SULF1: variants seen among roughly 807,000 people sequenced by gnomAD.
SULF1 encodes the protein extracellular sulfatase Sulf-1.
Under a neutral mutation model 110.5 loss-of-function variants are expected in SULF1, and 46 were observed. The ratio of observed to expected loss-of-function variants is 0.42; its 90% CI spans 0.33 to 0.53. The LOEUF (loss-of-function observed/expected upper bound fraction) is 0.53. Ranked by LOEUF, SULF1 falls within the 20% of genes least tolerant of loss-of-function variation. SULF1 has a pLI of 0.12. For synonymous variants in SULF1, 371 were observed against 387.1 expected, an observed-to-expected ratio of 0.96 and a Z score of 0.49; for missense variants, 941 against 1,094.2, an observed-to-expected ratio of 0.86 and a Z score of 1.98.
At chr8:69,477,272 G>T (rs1809338408) in intron 1 of SULF1, among the ~76,000 whole-genome samples, 1 of 152,120 alleles carries the variant, frequency 6.6e-6, no homozygotes, top group East Asian at 1.9e-4. Context: ...AAAACGGGGG[G>T]AAAAATAAGC....
chr8:69,652,350 A>G (rs188781153), intron 22 of SULF1, among the ~76,000 whole-genome samples: 30 of 152,314 alleles, frequency 2.0e-4, no homozygotes, highest in Non-Finnish European at 2.4e-4. Flanking sequence ...GGAGTCCACT[A>G]TTCTGCCTAT....
At chr8:69,560,974 G>C (rs1396675864) in intron 3 of SULF1, among the ~76,000 whole-genome samples, 1 of 152,188 alleles carries the variant, frequency 6.6e-6, no homozygotes, top group East Asian at 1.9e-4. Context: ...TTGAATGTTG[G>C]TGGTGGTGGG....
upstream of SULF1, among the ~76,000 whole-genome samples, chr8:69,488,806 A>C (rs1809800938): frequency 2.6e-5 from 4 of 152,040 alleles, no homozygotes; most frequent in African/African-American, 9.7e-5. Context: ...AACACATACC[A>C]TGCAGGGCAC....
intron 5 of SULF1, among the ~76,000 whole-genome samples, chr8:69,565,300 T>C (rs1252083234): frequency 6.6e-6 from 1 of 151,928 alleles, no homozygotes; most frequent in Non-Finnish European, 1.5e-5. Flanking sequence ...TACATGAGTG[T>C]GTATTTAGCA....
rs148966971 is a variant in SULF1, at chr8:69,541,380, G to A, written c.-133-22159G>A. On this transcript the variant is annotated intron_variant, in intron 3 of 22. Transcript: ENST00000402687. ...AGTGTCGCTGAAGGAACATGAAAGA[G>A]CATCTAACTCCCATCTGTGGCACAG... Among the ~76,000 whole-genome samples, 849 of 152,280 alleles carry A rather than the reference G, an allele frequency of 5.6e-3. 6 individuals are homozygous for A. Among genetic ancestry groups the A allele is most frequent in the African/African-American group, 0.019 (810 of 41,568 alleles).
chr8:69,582,758 A>T (rs1253512040), intron 6 of SULF1, among the ~76,000 whole-genome samples: 1 of 151,954 alleles, frequency 6.6e-6, no homozygotes, highest in African/African-American at 2.4e-5. Context: ...CAAGGAAAGC[A>T]CGGGGCTTGA....
chr8:69,541,327 G>A lies in SULF1; in HGVS notation c.-133-22212G>A, dbSNP rs544957865. On this transcript the variant is annotated intron_variant, in intron 3 of 22. Transcript: ENST00000402687. ...GCAAAGGCAACATGGCACTTCCCCT[G>A]AGAAGTATGATGGCAGGTAAGCCTG... 2.6e-4 allele frequency among the ~76,000 whole-genome samples: 39 copies of A among 152,322 alleles called. 1 individual carries two copies. Among genetic ancestry groups the A allele is most frequent in the African/African-American group, 9.1e-4 (38 of 41,568 alleles).
chr8:69,558,672 G>T (rs1322714379), intron 3 of SULF1, among the ~76,000 whole-genome samples: 1 of 152,174 alleles, frequency 6.6e-6, no homozygotes, highest in African/African-American at 2.4e-5. Context: ...ACTAGGGCCA[G>T]ACCTACAGCC....
chr8:69,529,396 C>T (rs1389863552), intron 3 of SULF1, among the ~76,000 whole-genome samples: 1 of 152,196 alleles, frequency 6.6e-6, no homozygotes. Context: ...CGACCTCTAA[C>T]TACGAAACTG....
chr8:69,544,637 G>A (rs1341113822), intron 3 of SULF1, among the ~76,000 whole-genome samples: 1 of 152,124 alleles, frequency 6.6e-6, no homozygotes, highest in East Asian at 1.9e-4. Context: ...TTGCTATTCA[G>A]TGAAGGCAGA....
chr8:69,486,751 T>C (rs146135668), intron 1 of SULF1, among the ~76,000 whole-genome samples: 63 of 152,258 alleles, frequency 4.1e-4, no homozygotes, highest in Admixed American at 1.5e-3. Context: ...GACTTGTCCC[T>C]TGGACCCATG....
chr8:69,488,681 AG>A (rs1387218642), upstream of SULF1, among the ~76,000 whole-genome samples: 13 of 152,068 alleles, frequency 8.5e-5, no homozygotes, highest in Admixed American at 6.5e-4. Context: ...AGGCCATCCT[AG>A]GGATCTGGGG....
chr8:69,506,745 C>A (rs1811225088), intron 3 of SULF1, among the ~76,000 whole-genome samples: 1 of 152,116 alleles, frequency 6.6e-6, no homozygotes, highest in East Asian at 1.9e-4. Flanking sequence ...TACATTCAGG[C>A]AGGAAGTTAA....
intron 1 of SULF1, among the ~76,000 whole-genome samples, chr8:69,486,017 T>G (rs2150548073): frequency 6.6e-6 from 1 of 152,352 alleles, no homozygotes; most frequent in Non-Finnish European, 1.5e-5. Flanking sequence ...ACCATCTTTT[T>G]GGGTCCCTGT....
At chr8:69,640,591 A>C (rs1811400703) in intron 21 of SULF1, among the ~76,000 whole-genome samples, 1 of 149,690 alleles carries the variant, frequency 6.7e-6, no homozygotes, top group South Asian at 2.1e-4. Flanking sequence ...TTTCATATGA[A>C]CTCTTATTTT....
At chr8:69,533,952 T>A (rs1381231321) in intron 3 of SULF1, among the ~76,000 whole-genome samples, 2 of 152,230 alleles carry the variant, frequency 1.3e-5, no homozygotes, top group Non-Finnish European at 2.9e-5. Flanking sequence ...AAAAAAAATT[T>A]GCAATGTTCA....
chr8:69,642,131 A>T, intron 22 of SULF1: 1 of 700,798 alleles, frequency 1.4e-6, no homozygotes, highest in Non-Finnish European at 1.8e-6. Flanking sequence ...TGCCATCTAT[A>T]TTAATATCTT....
intron 3 of SULF1, among the ~76,000 whole-genome samples, chr8:69,556,312 T>C (rs1411503779): frequency 2.0e-5 from 3 of 152,226 alleles, no homozygotes; most frequent in African/African-American, 7.2e-5. Context: ...TCTCATCCAA[T>C]GAAATGTTAG....
chr8:69,646,340 G>A (rs1811907336), intron 22 of SULF1, among the ~76,000 whole-genome samples: 1 of 152,058 alleles, frequency 6.6e-6, no homozygotes, highest in Non-Finnish European at 1.5e-5. Flanking sequence ...CACTTACTGT[G>A]GTCCAGCGCT....
Sources: gnomAD v4.1 joint callset for allele counts (sites outside exome capture counted in the v4.1 genomes callset) on GRCh38, gnomAD v4.1.1 for gene constraint, MANE v1.5 for transcripts, NCBI Gene and HGNC (gene_info 2026-07-23, HGNC 2026-07-21) for gene names.